The following CATSPER4 variants were observed in gnomAD, a reference collection of about 807,000 sequenced individuals.
CATSPER4 encodes the protein cation channel sperm associated 4, also known as cation channel sperm-associated protein 4.
CATSPER4 carries 46 observed loss-of-function variants against 54.4 expected under a neutral mutation model. The ratio of observed to expected loss-of-function variants is 0.84; its 90% CI spans 0.67 to 1.08. The LOEUF is 1.08. Among genes scored for constraint, CATSPER4 ranks in the 50% least tolerant of loss-of-function variants. The pLI, the probability that CATSPER4 is intolerant of heterozygous loss-of-function variation, is 0.00. For missense variants in CATSPER4, 574 were observed against 612.8 expected (o/e 0.94, Z 0.67); for synonymous variants, 230 against 231.9 (o/e 0.99, Z 0.08).
At position 26,197,667 on chromosome 1, in the gene CATSPER4, G is replaced by C. The variant is rs749970217; in HGVS notation, c.460-19G>C. ...GGGCTGGGCCTGACAGACCCCACTG[G>C]GGCTGGCCCACTCCCCAGGACGGCT... is the stretch of plus-strand genomic sequence containing the variant. On this transcript the variant is annotated intron_variant, in intron 3 of 9. Coordinates refer to ENST00000456354, the MANE Select transcript of CATSPER4 (RefSeq NM_198137.2). 3 of 1,593,810 alleles carry C rather than the reference G, an allele frequency of 1.9e-6. No individual in the cohort carries two copies. Among genetic ancestry groups the C allele is most frequent in the Non-Finnish European group, 2.6e-6 (3 of 1,163,130 alleles).
At chr1:26,201,569 C>A (rs2089008902) in intron 9 of CATSPER4, 50 bp downstream of exon 9, 34 of 1,586,572 alleles carry the variant, frequency 2.1e-5, no homozygotes, top group Non-Finnish European at 2.8e-5. Context: ...ACACTCTGCT[C>A]AGCCCAGCCC....
intron 9 of CATSPER4, 170 bp downstream of exon 9, chr1:26,201,689 CCTT>C (rs2124530861): frequency 1.2e-5 from 6 of 508,512 alleles, no homozygotes; most frequent in African/African-American, 5.7e-5. Flanking sequence ...TTCTTTCTTT[CCTT>C]TTTTTTTTTT....
chr1:26,192,890 A>G (rs1364488821), intron 2 of CATSPER4, among the ~76,000 whole-genome samples: 2 of 151,778 alleles, frequency 1.3e-5, no homozygotes, highest in Non-Finnish European at 2.9e-5. Flanking sequence ...AGATCACTTG[A>G]GGTCAAGGGT....
intron 2 of CATSPER4, among the ~76,000 whole-genome samples, chr1:26,193,092 C>T (rs2088891027): frequency 6.6e-6 from 1 of 151,212 alleles, no homozygotes; most frequent in Non-Finnish European, 1.5e-5. Flanking sequence ...AGGGAGGAGA[C>T]ACGGTGACTT....
chr1:26,197,486 C>T (rs552426481), intron 3 of CATSPER4, among the ~76,000 whole-genome samples, 200 bp from the exon 4 acceptor site: 10 of 152,290 alleles, frequency 6.6e-5, no homozygotes, highest in African/African-American at 2.4e-4. Context: ...TGGCTATTGA[C>T]ACATGTATGG....
At chr1:26,194,066 C>A (rs574013392) in intron 3 of CATSPER4, among the ~76,000 whole-genome samples, 178 bp downstream of exon 3, 4 of 152,294 alleles carry the variant, frequency 2.6e-5, no homozygotes, top group Non-Finnish European at 5.9e-5. Context: ...AGAAGTGCAG[C>A]CTCCCTGGGC....
chr1:26,196,109 G>A (rs1345296409), intron 3 of CATSPER4, among the ~76,000 whole-genome samples: 1 of 149,308 alleles, frequency 6.7e-6, no homozygotes, highest in African/African-American at 2.5e-5. Context: ...TTCTATATCA[G>A]TACATGGAGA....
rs189991470 is a variant in CATSPER4, at chr1:26,202,799, G to T, written c.*257G>T. The T allele has an allele frequency of 1.1e-4, 60 of 559,152 alleles. No individual in the cohort carries two copies. The African/African-American group carries it at 1.1e-3, about 10-fold the overall frequency. The allele number at this position is 559,152 out of a possible 1,614,324, so 34.6% of individuals were successfully genotyped here. A position where few individuals can be genotyped will look rare whatever the true frequency, so the allele number is the denominator to read the frequency against. On this transcript the variant is annotated 3_prime_UTR_variant, in exon 10 of 10. Transcript: ENST00000456354. ...GCAGCAAGGATGAGCACAGAAGGGG[G>T]TGCTGGCCAACGCAGCCAGGATTTG... is the stretch of plus-strand genomic sequence containing the variant.
At position 26,191,496 on chromosome 1, in the gene CATSPER4, G is replaced by A. The variant is rs568555822; in HGVS notation, c.357+66G>A. On this transcript the variant is annotated intron_variant, in intron 2 of 9. Transcript: ENST00000456354. ...GGGGGCCTGGGGCAAGAACTCTTCCGGCCTCAGGCTCCTCATCTGTCTATG... is the reference window on the plus strand; with the variant it reads ...GGGGGCCTGGGGCAAGAACTCTTCCAGCCTCAGGCTCCTCATCTGTCTATG... The A allele has an allele frequency of 1.3e-4, 209 of 1,559,170 alleles. No individual in the cohort carries two copies. The African/African-American group carries it at 1.9e-3, about 14-fold the overall frequency.
In CATSPER4 at chr1:26,202,724, G is replaced by C; in HGVS notation, c.*182G>C. On this transcript the variant is annotated 3_prime_UTR_variant, in exon 10 of 10. Transcript: ENST00000456354. Reference sequence around the variant, plus strand: ...TCTGGTGCCTGTGAGCCCCAGGTCCGGTGGAGCAAGGAGAGAGGAGGATGC... The same window carrying C: ...TCTGGTGCCTGTGAGCCCCAGGTCCCGTGGAGCAAGGAGAGAGGAGGATGC... The C allele has an allele frequency of 6.2e-6, 4 of 648,668 alleles. No individual in the cohort carries two copies. The allele number at this position is 648,668 out of a possible 1,614,324, so 40.2% of individuals were successfully genotyped here. A position where few individuals can be genotyped will look rare whatever the true frequency, so the allele number is the denominator to read the frequency against.
chr1:26,192,414 A>T (rs1333891290), intron 2 of CATSPER4, among the ~76,000 whole-genome samples: 1 of 151,592 alleles, frequency 6.6e-6, no homozygotes, highest in Non-Finnish European at 1.5e-5. Flanking sequence ...ACATGGTGAA[A>T]CCCCGTCTCT....
rs561885735 is a variant in CATSPER4 at position 26,202,795 on chromosome 1, G to T, written c.*253G>T. 4.1e-5 allele frequency: 23 copies of T among 564,038 alleles called. No homozygotes were observed. In the South Asian group the frequency reaches 4.5e-4, roughly 11 times the overall value. 34.9% of individuals were successfully genotyped at this position (564,038 alleles called of 1,614,324 possible). On this transcript the variant is annotated 3_prime_UTR_variant, in exon 10 of 10. Coordinates refer to ENST00000456354, the MANE Select transcript of CATSPER4 (RefSeq NM_198137.2). The stretch of plus-strand genomic sequence containing the variant: ...CCTAGCAGCAAGGATGAGCACAGAA[G>T]GGGGTGCTGGCCAACGCAGCCAGGA...
chr1:26,190,723 AG>A lies in CATSPER4; in HGVS notation c.100del (p.Ala34GlnfsTer2), dbSNP rs750648728. The A allele has an allele frequency of 4.3e-6, 7 of 1,613,336 alleles. No homozygotes were observed. Among genetic ancestry groups the A allele is most frequent in the Non-Finnish European group, 5.9e-6 (7 of 1,179,878 alleles). ...GTQEDRMGFG[G>X]AVAALRGRPS... ...CTCAGGAGGACCGTATGGGGTTTGG[AG>A]GGGCAGTAGCTGCACTGAGGGGCCG... On this transcript the variant is annotated frameshift_variant, in exon 1 of 10. Coordinates refer to ENST00000456354, the MANE Select transcript of CATSPER4 (RefSeq NM_198137.2). LOFTEE classifies it high-confidence loss of function.
chr1:26,194,011 G>T (rs1380504439), intron 3 of CATSPER4, 123 bp downstream of exon 3: 1 of 764,590 alleles, frequency 1.3e-6, no homozygotes, highest in Non-Finnish European at 2.4e-6. Flanking sequence ...GACAGAGTGT[G>T]TTAGTTCAGA....
At chr1:26,196,000 C>T (rs181578952) in intron 3 of CATSPER4, among the ~76,000 whole-genome samples, 22 of 152,272 alleles carry the variant, frequency 1.4e-4, no homozygotes, top group Admixed American at 1.0e-3. Context: ...CAATAATCAG[C>T]AAATATGTAT....
chr1:26,193,545 G>A (rs1198719008), intron 2 of CATSPER4, among the ~76,000 whole-genome samples: 1 of 152,208 alleles, frequency 6.6e-6, no homozygotes, highest in Non-Finnish European at 1.5e-5. Flanking sequence ...TGTAAGACGG[G>A]AATAAAACCT....
Position 26,191,358 on chromosome 1 carries a change from A to G in CATSPER4, c.285A>G (p.Gln95=). 6.2e-7 allele frequency: 1 copy of G among 1,614,148 alleles called. No homozygotes were observed. Among genetic ancestry groups the G allele is most frequent in the South Asian group, 1.1e-5 (1 of 91,088 alleles). The change falls in exon 2 of 10, where the codon CAA becomes CAG. Residue 95 remains glutamine (Q), a synonymous_variant. Transcript: ENST00000456354. ...AGCTGCTCCGACACCCCGCCTTCCA[A>G]CTGCTGCTGGCCCTGCTGCTGGTGA... is the stretch of plus-strand genomic sequence containing the variant. The part of the protein sequence containing the change: ...IKQLLRHPAF[Q]LLLALLLVIN...
chr1:26,191,052 G>A (rs1320985789), intron 1 of CATSPER4, among the ~76,000 whole-genome samples: 1 of 152,062 alleles, frequency 6.6e-6, no homozygotes, highest in Non-Finnish European at 1.5e-5. Flanking sequence ...CACTATCAGA[G>A]AGCCCAAAGA....
In CATSPER4 at chr1:26,201,491, T is replaced by C. The variant is rs2089007897; in HGVS notation, c.1337T>C (p.Leu446Ser). Reference protein sequence around the residue: ...DIRQMSQQQDLLSALVSMEKV... With the variant: ...DIRQMSQQQDSLSALVSMEKV... ...CGCCAGATGTCTCAACAGCAAGACT[T>C]GCTCAGTGCGCTCGTTAGCATGGAA... is the stretch of plus-strand genomic sequence containing the variant. The change falls in exon 9 of 10, where the codon TTG becomes TCG. Residue 446 changes from leucine to serine, a missense_variant. Leu to Ser is a moderately radical substitution (Grantham distance 145, BLOSUM62 -2). Coordinates refer to ENST00000456354, the MANE Select transcript of CATSPER4 (RefSeq NM_198137.2). The C allele has an allele frequency of 1.2e-6, 2 of 1,614,058 alleles. No homozygotes were observed. The highest frequency in any genetic ancestry group is 1.7e-6 in the Non-Finnish European group (2 of 1,179,980).
Sources: gnomAD v4.1 joint callset for allele counts (sites outside exome capture counted in the v4.1 genomes callset) on GRCh38, gnomAD v4.1.1 for gene constraint, MANE v1.5 for transcripts, NCBI Gene and HGNC (gene_info 2026-07-23, HGNC 2026-07-21) for gene names.